Variants in RAD54L2 observed in about 807,000 individuals in gnomAD.
RAD54L2 encodes the protein helicase ARIP4.
A neutral mutation model predicts 138.4 loss-of-function variants in RAD54L2; 27 were observed. That is an observed-to-expected ratio of 0.20 (90% CI 0.14 to 0.27). The LOEUF is 0.27. Ranked by LOEUF, RAD54L2 falls within the 10% of genes least tolerant of loss-of-function variation. RAD54L2 has a pLI of 1.00. For synonymous variants in RAD54L2, 644 were observed against 723.2 expected (o/e 0.89, Z 1.76); for missense variants, 1,396 against 1,890.2 (o/e 0.74, Z 4.85).
chr3:51,659,095 CTTG>C, intron 21 of RAD54L2, among the ~76,000 whole-genome samples: 1 of 120,712 alleles, frequency 8.3e-6, no homozygotes, highest in Admixed American at 8.4e-5. Flanking sequence ...CCATCCGGCT[CTTG>C]TTTTTTTTTT....
At chr3:51,610,379 G>A (rs1319182431) in intron 3 of RAD54L2, among the ~76,000 whole-genome samples, 1 of 151,958 alleles carries the variant, frequency 6.6e-6, no homozygotes, top group African/African-American at 2.4e-5. Flanking sequence ...CGAGATGGGC[G>A]GATCACTTGA....
chr3:51,559,998 C>T (rs1235657879), intron 2 of RAD54L2, among the ~76,000 whole-genome samples: 2 of 152,170 alleles, frequency 1.3e-5, no homozygotes, highest in Non-Finnish European at 2.9e-5. Flanking sequence ...ATGTTGTATG[C>T]TGTGTGAATC....
intron 2 of RAD54L2, among the ~76,000 whole-genome samples, chr3:51,548,513 C>A (rs1553672818): frequency 1.3e-5 from 2 of 152,102 alleles, no homozygotes; most frequent in Admixed American, 1.3e-4. Context: ...ATATTTACTT[C>A]ATCCTCCCAA....
At chr3:51,619,595 C>G (rs1700523794) in intron 3 of RAD54L2, among the ~76,000 whole-genome samples, 1 of 151,888 alleles carries the variant, frequency 6.6e-6, no homozygotes, top group African/African-American at 2.4e-5. Context: ...ATGGCCTTTC[C>G]AGTTTTCCAT....
intron 3 of RAD54L2, chr3:51,611,297 G>C (rs1421957923): frequency 3.3e-5 from 5 of 151,586 alleles, no homozygotes; most frequent in Non-Finnish European, 7.4e-5. Flanking sequence ...TACATAGTAG[G>C]TGTATATATT....
rs549589404 is a variant in RAD54L2, at chr3:51,607,071, T to A, written c.139+16512T>A. Among the ~76,000 whole-genome samples, 5 of 148,164 alleles carry A rather than the reference T, an allele frequency of 3.4e-5. No homozygotes were observed. In the South Asian group the frequency reaches 6.3e-4, roughly 19 times the overall value. The stretch of plus-strand genomic sequence containing the variant: ...CTTTTTTTGGATTTCTCTTTTTATT[T>A]TTTTTTATTTTTTTATTTTTTATTT... On this transcript the variant is annotated intron_variant, in intron 3 of 22. Transcript: ENST00000684192.
At chr3:51,619,240 G>A (rs1389651823) in intron 3 of RAD54L2, among the ~76,000 whole-genome samples, 8 of 152,150 alleles carry the variant, frequency 5.3e-5, no homozygotes, top group Admixed American at 4.6e-4. Flanking sequence ...TGTATTTTTA[G>A]TAGAGGTGGG....
chr3:51,651,711 A>G (rs941148440), intron 19 of RAD54L2, among the ~76,000 whole-genome samples: 1 of 152,240 alleles, frequency 6.6e-6, no homozygotes, highest in African/African-American at 2.4e-5. Context: ...ATAGATGCAG[A>G]AAAGGCATTC....
At chr3:51,647,342 A>G (rs1463651454) in intron 19 of RAD54L2, among the ~76,000 whole-genome samples, 2 of 152,128 alleles carry the variant, frequency 1.3e-5, no homozygotes, top group East Asian at 3.9e-4. Flanking sequence ...AGCTGGGATT[A>G]CAGGTGTGCA....
Position 51,660,040 on chromosome 3 carries a change from A to G in RAD54L2, c.3331A>G (p.Thr1111Ala), listed in dbSNP as rs753598220. 37 of 1,587,296 alleles carry G rather than the reference A, an allele frequency of 2.3e-5. No individual in the cohort carries two copies. The highest frequency in any genetic ancestry group is 3.0e-5 in the Non-Finnish European group (35 of 1,158,566). Reference sequence around the variant, plus strand: ...TCTATTCTTAGGGACGTACATCCGTACCAGTGATGGACGGATCTTTGCTGT... The same window carrying G: ...TCTATTCTTAGGGACGTACATCCGTGCCAGTGATGGACGGATCTTTGCTGT... ...IRGTKGTYIRTSDGRIFAVRA... is the reference protein window; with the variant it reads ...IRGTKGTYIRASDGRIFAVRA... The change falls in exon 22 of 23, where the codon ACC becomes GCC. Residue 1111 changes from threonine to alanine, a missense_variant. Transcript: ENST00000684192.
chr3:51,660,190 CTTA>C (rs1342206118), intron 22 of RAD54L2, 72 bp downstream of exon 22: 4 of 1,237,112 alleles, frequency 3.2e-6, no homozygotes, highest in East Asian at 5.1e-5. Flanking sequence ...TAGGTATTAA[CTTA>C]TTATGTGAAT....
chr3:51,589,138 G>A (rs374837446), intron 2 of RAD54L2, among the ~76,000 whole-genome samples: 18 of 152,142 alleles, frequency 1.2e-4, no homozygotes, highest in African/African-American at 2.7e-4. Context: ...TAAATGCATC[G>A]TAAGTTGAAA....
intron 1 of RAD54L2, among the ~76,000 whole-genome samples, chr3:51,540,899 G>T (rs142362401): frequency 7.9e-5 from 12 of 152,092 alleles, no homozygotes; most frequent in Non-Finnish European, 1.5e-4. Context: ...AAAATTAGCC[G>T]GTGGGGTGGC....
At position 51,637,277 on chromosome 3, in the gene RAD54L2, C is replaced by T; in HGVS notation, c.1456C>T (p.Arg486Cys). The stretch of plus-strand genomic sequence containing the variant: ...GGCTCTGAAGAATATCCGCTCTCGC[C>T]GCCGGGTGGTGCTGACTGGGTACCC... ...SQALKNIRSRRRVVLTGYPLQ... is the reference protein window; with the variant it reads ...SQALKNIRSRCRVVLTGYPLQ... Residue 486 changes from arginine to cysteine, a missense_variant, in exon 11 of 23, where the codon CGC becomes TGC. Arg to Cys is a radical substitution (Grantham distance 180). Around this residue, in one of 7 missense-constraint regions of RAD54L2, gnomAD observed 169 missense variants for 235.6 expected, o/e 0.72. Coordinates refer to ENST00000684192, the MANE Select transcript of RAD54L2 (RefSeq NM_015106.4). This position sits in a 1 kb window ranked among gnomAD's most constrained non-coding sequence, Gnocchi z 5.9. 1 of 1,609,978 alleles carries T rather than the reference C, an allele frequency of 6.2e-7. No homozygotes were observed. The highest frequency in any genetic ancestry group is 8.5e-7 in the Non-Finnish European group (1 of 1,178,192).
intron 2 of RAD54L2, among the ~76,000 whole-genome samples, chr3:51,559,863 A>G (rs1486505554): frequency 6.6e-6 from 1 of 152,250 alleles, no homozygotes; most frequent in Non-Finnish European, 1.5e-5. Context: ...AGTTTCAGCT[A>G]CAGGAGCTTC....
At chr3:51,539,374 G>C (rs1655057215) in intron 1 of RAD54L2, among the ~76,000 whole-genome samples, 1 of 152,174 alleles carries the variant, frequency 6.6e-6, no homozygotes, top group Non-Finnish European at 1.5e-5. Context: ...TTGGCAGACT[G>C]GGGTCGGGCT....
rs142087841 is a variant in RAD54L2, at chr3:51,662,603, C to G, written c.3587C>G (p.Pro1196Arg). Residue 1196 changes from proline (P) to arginine (R), a missense_variant, in exon 23 of 23, where the codon CCA becomes CGA. This residue lies in a region of RAD54L2 where 634 missense variants were observed against 711.2 expected (regional missense o/e 0.89). Coordinates refer to ENST00000684192, the MANE Select transcript of RAD54L2 (RefSeq NM_015106.4). The surrounding 1 kb of genome is among the most constrained non-coding windows in gnomAD (Gnocchi z 4.6). ...AAARESRQSS[P>R]STNAALPGPP... ...GCCCGGGAATCCCGTCAGAGCTCCC[C>G]AAGCACCAATGCCGCCCTGCCTGGC... The G allele has an allele frequency of 1.2e-4, 201 of 1,613,000 alleles. No individual in the cohort carries two copies. Among genetic ancestry groups the G allele is most frequent in the Middle Eastern group, 1.6e-4 (1 of 6,082 alleles).
Position 51,663,594 on chromosome 3 carries a change from C to CAAAAAAAAAAAAAAAAAAAAAAAA in RAD54L2, c.*175_*198dup. 1 of 53,502 alleles carries CAAAAAAAAAAAAAAAAAAAAAAAA rather than the reference C, an allele frequency of 1.9e-5. No individual in the cohort carries two copies. The highest frequency in any genetic ancestry group is 3.4e-5 in the Non-Finnish European group (1 of 29,738). The allele number at this position is 53,502 out of a possible 1,614,324, so 3.3% of individuals were successfully genotyped here. On this transcript the variant is annotated 3_prime_UTR_variant, in exon 23 of 23. Coordinates refer to ENST00000684192, the MANE Select transcript of RAD54L2 (RefSeq NM_015106.4). ...CTCTGTTGCTGTTTAACAAAAGAGG[C>CAAAAAAAAAAAAAAAAAAAAAAAA]AAAAAAAAAAAAAAAAAAAAAAAAG...
At chr3:51,597,165 CAAAAAAAAA>C (rs145812228) in intron 3 of RAD54L2, among the ~76,000 whole-genome samples, 3 of 49,258 alleles carry the variant, frequency 6.1e-5, no homozygotes, top group East Asian at 1.3e-3. Flanking sequence ...GACTTCATTT[CAAAAAAAAA>C]AAAAAAAAAA....
Sources: gnomAD v4.1 joint callset for allele counts (sites outside exome capture counted in the v4.1 genomes callset) on GRCh38, gnomAD v4.1.1 for gene constraint, gnomAD v4.1.1 regional missense constraint, Gnocchi (gnomAD v3.1) non-coding constraint, MANE v1.5 for transcripts, NCBI Gene and HGNC (gene_info 2026-07-23, HGNC 2026-07-21) for gene names.